The following TMED5 variants were observed in gnomAD, a reference collection of about 807,000 sequenced individuals.
TMED5 encodes transmembrane p24 trafficking protein 5.
A neutral mutation model predicts 23.0 loss-of-function variants in TMED5; 27 were observed. The ratio of observed to expected loss-of-function variants is 1.17; its 90% confidence interval spans 0.86 to 1.62. The LOEUF (loss-of-function observed/expected upper bound fraction) is 1.62. TMED5 is among the 40% of genes most tolerant of loss of function. The pLI, the probability that TMED5 is intolerant of heterozygous loss-of-function variation, is 0.00. For missense variants in TMED5, 248 were observed against 273.7 expected, an observed-to-expected ratio of 0.91 and a Z score of 0.66; for synonymous variants, 97 against 100.8, an observed-to-expected ratio of 0.96 and a Z score of 0.23.
At chr1:93,168,923 TA>T (rs1272782577) in intron 1 of TMED5, among the ~76,000 whole-genome samples, 1 of 152,188 alleles carries the variant, frequency 6.6e-6, no homozygotes, top group Non-Finnish European at 1.5e-5. Flanking sequence ...TGTATACACC[TA>T]ACAACAATGT....
At chr1:93,179,885 C>CGA in intron 1 of TMED5, 169 bp downstream of exon 1, 2 of 631,268 alleles carry the variant, frequency 3.2e-6, no homozygotes, top group Non-Finnish European at 5.2e-6. Flanking sequence ...CCGGCCCCAG[C>CGA]GAGAGCCTCG....
chr1:93,174,050 C>T (rs746827240), intron 1 of TMED5, among the ~76,000 whole-genome samples: 47 of 152,132 alleles, frequency 3.1e-4, no homozygotes, highest in African/African-American at 7.5e-4. Context: ...CTCTGCTTTC[C>T]GGGTTCAAGT....
At position 93,154,584 on chromosome 1, in the gene TMED5, G is replaced by A; in HGVS notation, c.*86C>T. On this transcript the variant is annotated 3_prime_UTR_variant, in exon 4 of 4. Transcript: ENST00000370282. Reference sequence around the variant, plus strand: ...TACTTTTATATCTCAAAATATTTTGGAGAAGACCATTAATGGTCTTGACTG... The same window carrying A: ...TACTTTTATATCTCAAAATATTTTGAAGAAGACCATTAATGGTCTTGACTG... The A allele has an allele frequency of 1.2e-6, 1 of 854,784 alleles. No homozygotes were observed. Among genetic ancestry groups the A allele is most frequent in the Non-Finnish European group, 1.8e-6 (1 of 554,618 alleles). 52.9% of individuals were successfully genotyped at this position (854,784 alleles called of 1,614,324 possible).
rs1266636799 is a variant in TMED5, at chr1:93,170,323, T to G, written c.189+9731A>C. 3.9e-5 allele frequency among the ~76,000 whole-genome samples: 6 copies of G among 152,172 alleles called. No homozygotes were observed. The East Asian group carries it at 1.2e-3, about 29-fold the overall frequency. On this transcript the variant is annotated intron_variant, in intron 1 of 3. Coordinates refer to ENST00000370282, the MANE Select transcript of TMED5 (RefSeq NM_016040.5). ...CGTGATGCTTGCGGGCCAGCTCGAGTTCCGGGTGGGCGTGGGCTCCGCGGC... is the reference window on the plus strand; with the variant it reads ...CGTGATGCTTGCGGGCCAGCTCGAGGTCCGGGTGGGCGTGGGCTCCGCGGC...
At position 93,154,161 on chromosome 1, in the gene TMED5, G is replaced by A. The variant is rs1267440643; in HGVS notation, c.*509C>T. Reference sequence around the variant, plus strand: ...AAGCTATTATTCTATTTACATTATAGGAGAGATGCATATGTAAATAGAGAA... The same window carrying A: ...AAGCTATTATTCTATTTACATTATAAGAGAGATGCATATGTAAATAGAGAA... On this transcript the variant is annotated 3_prime_UTR_variant, in exon 4 of 4. Transcript: ENST00000370282. 1 of 153,954 alleles carries A rather than the reference G, an allele frequency of 6.5e-6. No homozygotes were observed. Among genetic ancestry groups the A allele is most frequent in the Admixed American group, 6.5e-5 (1 of 15,386 alleles). The allele number at this position is 153,954 out of a possible 1,614,324, so 9.5% of individuals were successfully genotyped here.
chr1:93,169,920 A>ACACACAG (rs1553159711), intron 1 of TMED5, among the ~76,000 whole-genome samples: 1 of 39,236 alleles, frequency 2.5e-5, no homozygotes, highest in Non-Finnish European at 6.2e-5. Context: ...CACACACACA[A>ACACACAG]AATTAGGCAG....
intron 1 of TMED5, among the ~76,000 whole-genome samples, chr1:93,171,073 C>T (rs1165458408): frequency 6.6e-6 from 1 of 152,200 alleles, no homozygotes; most frequent in East Asian, 1.9e-4. Flanking sequence ...CTTGCTGCTG[C>T]TCACTCTTTG....
chr1:93,162,230 G>C (rs1340427913), intron 1 of TMED5: 1 of 152,128 alleles, frequency 6.6e-6, no homozygotes, highest in African/African-American at 2.4e-5. Context: ...AACAGAACTG[G>C]TTTCAAATGG....
Position 93,152,279 on chromosome 1 carries a change from T to A in TMED5, c.*2391A>T, listed in dbSNP as rs1363258362. The A allele has an allele frequency of 1.3e-5, 2 of 152,594 alleles. No homozygotes were observed. Among genetic ancestry groups the A allele is most frequent in the Non-Finnish European group, 2.9e-5 (2 of 68,012 alleles). 9.5% of individuals were successfully genotyped at this position (152,594 alleles called of 1,614,324 possible). On this transcript the variant is annotated 3_prime_UTR_variant, in exon 4 of 4. Coordinates refer to ENST00000370282, the MANE Select transcript of TMED5 (RefSeq NM_016040.5). ...CCTTAGTTAAATATTGTAGTATTTT[T>A]AAAATTTGTATATTGAAAAAGACAA...
At chr1:93,164,681 G>C (rs1648423406) in intron 1 of TMED5, among the ~76,000 whole-genome samples, 1 of 152,058 alleles carries the variant, frequency 6.6e-6, no homozygotes, top group Admixed American at 6.6e-5. Context: ...CCTGGGAGGA[G>C]GAAATGCAAA....
In TMED5 at chr1:93,152,751, T is replaced by C. The variant is rs113813832; in HGVS notation, c.*1919A>G. On this transcript the variant is annotated 3_prime_UTR_variant, in exon 4 of 4. Coordinates refer to ENST00000370282, the MANE Select transcript of TMED5 (RefSeq NM_016040.5). ...AGTAGTTTATATCTGTACCCTGCTT[T>C]ATTAGTTATGGTACTGTAAATTTGC... is the stretch of plus-strand genomic sequence containing the variant. The C allele has an allele frequency of 6.6e-5, 10 of 152,560 alleles. No individual in the cohort carries two copies. The highest frequency in any genetic ancestry group is 1.9e-4 in the African/African-American group (8 of 41,446). The allele number at this position is 152,560 out of a possible 1,614,324, so 9.5% of individuals were successfully genotyped here.
At chr1:93,172,120 A>G (rs2101160161) in intron 1 of TMED5, among the ~76,000 whole-genome samples, 1 of 152,364 alleles carries the variant, frequency 6.6e-6, no homozygotes, top group South Asian at 2.1e-4. Flanking sequence ...CTTAATGGCG[A>G]GAAACTAGAA....
chr1:93,158,211 G>A (rs1053797492), intron 2 of TMED5, among the ~76,000 whole-genome samples: 3 of 151,628 alleles, frequency 2.0e-5, no homozygotes, highest in African/African-American at 4.9e-5. Flanking sequence ...TGGCTTTGCC[G>A]TTCACTAGCT....
At chr1:93,170,220 C>T (rs1557577121) in intron 1 of TMED5, among the ~76,000 whole-genome samples, 1 of 152,348 alleles carries the variant, frequency 6.6e-6, no homozygotes, top group South Asian at 2.1e-4. Context: ...CCTTTCTGGG[C>T]TGGCCAAGGC....
chr1:93,160,022 A>G, intron 2 of TMED5, 107 bp downstream of exon 2: 1 of 618,918 alleles, frequency 1.6e-6, no homozygotes, highest in East Asian at 2.8e-5. Flanking sequence ...ATCATATGGA[A>G]TTATCTAATA....
chr1:93,164,384 T>C (rs1028384165), intron 1 of TMED5, among the ~76,000 whole-genome samples: 1 of 152,186 alleles, frequency 6.6e-6, no homozygotes, highest in Non-Finnish European at 1.5e-5. Context: ...GGCTGAATTA[T>C]GTAAGGGGCA....
intron 1 of TMED5, among the ~76,000 whole-genome samples, chr1:93,171,326 C>A (rs1449824601): frequency 1.3e-5 from 2 of 152,218 alleles, no homozygotes; most frequent in Non-Finnish European, 2.9e-5. Context: ...TCCGGACACG[C>A]TGCCTTTAAG....
rs1356899957 is a variant in TMED5, at chr1:93,152,345, T to A, written c.*2325A>T. ...GATAAACAGCTTACTCAATTTAGCA[T>A]AACTTTAATTTAGAAATGGAATAGT... On this transcript the variant is annotated 3_prime_UTR_variant, in exon 4 of 4. Coordinates refer to ENST00000370282, the MANE Select transcript of TMED5 (RefSeq NM_016040.5). 6.6e-6 allele frequency: 1 copy of A among 152,490 alleles called. No homozygotes were observed. The highest frequency in any genetic ancestry group is 2.4e-5 in the African/African-American group (1 of 41,444). The allele number at this position is 152,490 out of a possible 1,614,324, so 9.4% of individuals were successfully genotyped here. A position where few individuals can be genotyped will look rare whatever the true frequency, so the allele number is the denominator to read the frequency against.
intron 1 of TMED5, chr1:93,162,343 T>C (rs1189611123): frequency 6.6e-6 from 1 of 152,282 alleles, no homozygotes; most frequent in African/African-American, 2.4e-5. Flanking sequence ...ATGCCTGTAA[T>C]CCCAGCACTT....
Sources: allele counts gnomAD v4.1 joint callset (sites outside exome capture counted in the v4.1 genomes callset), GRCh38; gene constraint gnomAD v4.1.1; transcripts MANE v1.5; gene names NCBI Gene and HGNC (gene_info 2026-07-23, HGNC 2026-07-21).